The following PIP5K1C variants were observed in gnomAD, a reference collection of about 807,000 sequenced individuals.
PIP5K1C encodes phosphatidylinositol 4-phosphate 5-kinase type-1 gamma.
A neutral mutation model predicts 80.1 loss-of-function variants in PIP5K1C; 45 were observed. The ratio of observed to expected loss-of-function variants is 0.56; its 90% CI spans 0.44 to 0.72. The LOEUF is 0.72. Among genes scored for constraint, PIP5K1C ranks in the 30% least tolerant of loss-of-function variants. PIP5K1C has a pLI of 0.00. For synonymous variants in PIP5K1C, 498 were observed against 420.1 expected (o/e 1.19, Z -2.27); for missense variants, 753 against 954.6 (o/e 0.79, Z 2.78).
chr19:3,681,868 A>C (rs1160009416), intron 1 of PIP5K1C, among the ~76,000 whole-genome samples: 1 of 151,968 alleles, frequency 6.6e-6, no homozygotes, highest in Non-Finnish European at 1.5e-5. Flanking sequence ...ACTTAGCCAA[A>C]CGAGCCCTGG....
chr19:3,634,983 T>TG (rs2033620476), intron 16 of PIP5K1C, among the ~76,000 whole-genome samples: 1 of 152,232 alleles, frequency 6.6e-6, no homozygotes, highest in Non-Finnish European at 1.5e-5. Flanking sequence ...GACGTGGGAA[T>TG]GGCAGGTCAG....
At chr19:3,676,070 T>G (rs2035347424) in intron 1 of PIP5K1C, among the ~76,000 whole-genome samples, 1 of 152,232 alleles carries the variant, frequency 6.6e-6, no homozygotes, top group African/African-American at 2.4e-5. Context: ...CACGGCTTCA[T>G]TTGACACATG....
At chr19:3,662,091 A>G in intron 3 of PIP5K1C, 90 bp from the exon 4 acceptor site, 1 of 1,475,590 alleles carries the variant, frequency 6.8e-7, no homozygotes, top group South Asian at 1.2e-5. Flanking sequence ...GATCGTGACC[A>G]GCTGCAGCTT....
rs749552229 is a variant in PIP5K1C at position 3,641,821 on chromosome 19, G to A, written c.1683-12C>T. 2 of 1,605,074 alleles carry A rather than the reference G, an allele frequency of 1.2e-6. No individual in the cohort carries two copies. The highest frequency in any genetic ancestry group is 2.2e-5 in the East Asian group (1 of 44,828). ...GCTCCTCCTGCGGCCTGCAGGCAAT[G>A]GGAGGTTGTGCCTCGGTTTCCCTCC... On this transcript the variant is annotated splice_polypyrimidine_tract_variant and intron_variant, in intron 14 of 17. Transcript: ENST00000335312.
chr19:3,650,227 C>A (rs986692606), intron 8 of PIP5K1C, among the ~76,000 whole-genome samples: 2 of 152,274 alleles, frequency 1.3e-5, no homozygotes, highest in African/African-American at 4.8e-5. Context: ...CCAGGTGGAA[C>A]TTGGCTCCAC....
chr19:3,638,164 G>C (rs879333756), intron 16 of PIP5K1C, among the ~76,000 whole-genome samples: 2 of 152,210 alleles, frequency 1.3e-5, no homozygotes, highest in African/African-American at 4.8e-5. Flanking sequence ...CCCTCCCTGT[G>C]ACCTGGGGCT....
intron 1 of PIP5K1C, among the ~76,000 whole-genome samples, chr19:3,698,728 C>G (rs948547458): frequency 2.6e-5 from 4 of 152,128 alleles, no homozygotes; most frequent in Non-Finnish European, 5.9e-5. Flanking sequence ...CAAGCAGGCC[C>G]CTTTATGTGC....
chr19:3,643,995 G>C, intron 12 of PIP5K1C, 92 bp downstream of exon 12: 1 of 1,435,544 alleles, frequency 7.0e-7, no homozygotes, highest in Non-Finnish European at 9.6e-7. Context: ...GCTGAGCGAT[G>C]GGCACTCAGG....
Position 3,637,791 on chromosome 19 carries a change from T to TTC in PIP5K1C, c.1920+1091_1920+1092dup, listed in dbSNP as rs1168276212. ...GGGGCAGGGGCAGGACCGAGGACCCTTCTCCCTTCTCTGCTGCCCACCTGG... is the reference window on the plus strand; with the variant it reads ...GGGGCAGGGGCAGGACCGAGGACCCTTCTCTCCCTTCTCTGCTGCCCACCTGG... On this transcript the variant is annotated intron_variant, in intron 16 of 17. Coordinates refer to ENST00000335312, the MANE Select transcript of PIP5K1C (RefSeq NM_012398.3). The surrounding 1 kb of genome is among the most constrained non-coding windows in gnomAD (Gnocchi z 7.0). 3.3e-6 allele frequency: 5 copies of TTC among 1,534,136 alleles called. No homozygotes were observed. In the African/African-American group the frequency reaches 6.9e-5, roughly 21 times the overall value.
rs2033466804 is a variant in PIP5K1C, at chr19:3,631,474, T to A, written c.*1693A>T. The A allele has an allele frequency of 6.6e-6, 1 of 152,436 alleles. No individual in the cohort carries two copies. The highest frequency in any genetic ancestry group is 2.1e-4 in the South Asian group (1 of 4,836). 9.4% of individuals were successfully genotyped at this position (152,436 alleles called of 1,614,324 possible). A position where few individuals can be genotyped will look rare whatever the true frequency, so the allele number is the denominator to read the frequency against. ...AGCAGATGAGCACCAGGCTGTGAAC[T>A]GAGGCCAAGGTCGCTTCCCAGGGCT... is the stretch of plus-strand genomic sequence containing the variant. On this transcript the variant is annotated 3_prime_UTR_variant, in exon 18 of 18. Coordinates refer to ENST00000335312, the MANE Select transcript of PIP5K1C (RefSeq NM_012398.3).
Position 3,637,679 on chromosome 19 carries a change from A to G in PIP5K1C, c.1920+1205T>C. On this transcript the variant is annotated intron_variant, in intron 16 of 17. Coordinates refer to ENST00000335312, the MANE Select transcript of PIP5K1C (RefSeq NM_012398.3). This position sits in a 1 kb window ranked among gnomAD's most constrained non-coding sequence, Gnocchi z 7.0. ...ACAGAGGACAGCGGATGAGGCGGCCACCCCCGTGGTCGGGTGGGAGAGGCG... is the reference window on the plus strand; with the variant it reads ...ACAGAGGACAGCGGATGAGGCGGCCGCCCCCGTGGTCGGGTGGGAGAGGCG... 1 of 1,485,592 alleles carries G rather than the reference A, an allele frequency of 6.7e-7. No homozygotes were observed. The highest frequency in any genetic ancestry group is 8.9e-7 in the Non-Finnish European group (1 of 1,121,084). The allele number at this position is 1,485,592 out of a possible 1,614,324, so 92.0% of individuals were successfully genotyped here. A position where few individuals can be genotyped will look rare whatever the true frequency, so the allele number is the denominator to read the frequency against.
At chr19:3,642,124 A>C (rs1436631823) in intron 14 of PIP5K1C, among the ~76,000 whole-genome samples, 1 of 152,192 alleles carries the variant, frequency 6.6e-6, no homozygotes, top group African/African-American at 2.4e-5. Context: ...AGGCCCTGAC[A>C]CAAGTGACTC....
At chr19:3,697,503 A>AGGACCAAGCTGGACCC in intron 1 of PIP5K1C, among the ~76,000 whole-genome samples, 1 of 146,476 alleles carries the variant, frequency 6.8e-6, no homozygotes, top group East Asian at 2.1e-4. Context: ...GAGCTGGACC[A>AGGACCAAGCTGGACCC]GGGAGGACCA....
intron 1 of PIP5K1C, among the ~76,000 whole-genome samples, chr19:3,678,151 A>AATGGAGGG (rs1370929061): frequency 4.0e-5 from 4 of 99,832 alleles, no homozygotes; most frequent in Non-Finnish European, 6.2e-5. Flanking sequence ...CAGGATAGAA[A>AATGGAGGG]ATGGAGGGAT....
At chr19:3,699,045 G>A (rs1049503298) in intron 1 of PIP5K1C, among the ~76,000 whole-genome samples, 5 of 151,460 alleles carry the variant, frequency 3.3e-5, no homozygotes, top group Admixed American at 3.3e-4. Flanking sequence ...AAGATGAATG[G>A]TCGCGGTGTG....
At position 3,692,031 on chromosome 19, in the gene PIP5K1C, A is replaced by G. The variant is rs558188829; in HGVS notation, c.94+8266T>C. Among the ~76,000 whole-genome samples the G allele has an allele frequency of 6.6e-6, 1 of 152,204 alleles. No homozygotes were observed. The highest frequency in any genetic ancestry group is 1.9e-4 in the East Asian group (1 of 5,178). On this transcript the variant is annotated intron_variant, in intron 1 of 17. Coordinates refer to ENST00000335312, the MANE Select transcript of PIP5K1C (RefSeq NM_012398.3). The surrounding 1 kb of genome is among the most constrained non-coding windows in gnomAD (Gnocchi z 5.2). ...CGCATGCACCGTGGCCAGTCCAAGC[A>G]CCGCACGGGAAGGGTGCACAGTGGG...
chr19:3,647,223 G>A (rs549397347), intron 10 of PIP5K1C, 115 bp downstream of exon 10: 3 of 890,706 alleles, frequency 3.4e-6, no homozygotes, highest in Non-Finnish European at 5.3e-6. Flanking sequence ...ATGGGAGGAG[G>A]GATGGGAGGA....
At position 3,637,875 on chromosome 19, in the gene PIP5K1C, C is replaced by T. The variant is rs535910082; in HGVS notation, c.1920+1009G>A. 145 of 1,535,378 alleles carry T rather than the reference C, an allele frequency of 9.4e-5. No individual in the cohort carries two copies. Among genetic ancestry groups the T allele is most frequent in the South Asian group, 8.6e-4 (72 of 84,054 alleles). Reference sequence around the variant, plus strand: ...TGGCCCCCAGGCCCCCCGTACCATCCGGAGACCAGGACGCGCACAAACCAG... The same window carrying T: ...TGGCCCCCAGGCCCCCCGTACCATCTGGAGACCAGGACGCGCACAAACCAG... On this transcript the variant is annotated intron_variant, in intron 16 of 17. Transcript: ENST00000335312. The surrounding 1 kb of genome is among the most constrained non-coding windows in gnomAD (Gnocchi z 7.0).
intron 1 of PIP5K1C, among the ~76,000 whole-genome samples, chr19:3,684,921 G>A (rs2035707154): frequency 6.6e-6 from 1 of 152,224 alleles, no homozygotes; most frequent in Non-Finnish European, 1.5e-5. Flanking sequence ...GTGAATCTTA[G>A]AAGGTTCCAA....
Sources: gnomAD v4.1 joint callset for allele counts (sites outside exome capture counted in the v4.1 genomes callset) on GRCh38, gnomAD v4.1.1 for gene constraint, Gnocchi (gnomAD v3.1) non-coding constraint, MANE v1.5 for transcripts, NCBI Gene and HGNC (gene_info 2026-07-23, HGNC 2026-07-21) for gene names.